EPHA8: variants seen among roughly 807,000 people sequenced by gnomAD.
EPHA8 encodes EPH receptor A8, also known as ephrin type-A receptor 8.
EPHA8 carries 58 observed loss-of-function variants against 103.6 expected under a neutral mutation model. The ratio of observed to expected loss-of-function variants is 0.56; its 90% CI spans 0.45 to 0.70. The LOEUF is 0.70. EPHA8 is among the 30% of genes least tolerant of loss of function. EPHA8 has a pLI of 0.00. For synonymous variants in EPHA8, 559 were observed against 572.5 expected (o/e 0.98, Z 0.34); for missense variants, 1,304 against 1,395.2 (o/e 0.93, Z 1.04).
chr1:22,599,110 A>G, intron 13 of EPHA8, 63 bp downstream of exon 13: 2 of 1,515,780 alleles, frequency 1.3e-6, no homozygotes, highest in Non-Finnish European at 8.9e-7. Flanking sequence ...GGTGGCACCC[A>G]GGGCCCAACC....
intron 13 of EPHA8, among the ~76,000 whole-genome samples, chr1:22,599,628 A>G (rs1284090277): frequency 6.5e-4 from 55 of 85,130 alleles, no homozygotes; most frequent in Non-Finnish European, 1.0e-3. Flanking sequence ...GAAGAAGGGA[A>G]GGAAGGAAGG....
intron 2 of EPHA8, among the ~76,000 whole-genome samples, chr1:22,574,917 G>A (rs1052933190): frequency 6.6e-6 from 1 of 152,120 alleles, no homozygotes; most frequent in African/African-American, 2.4e-5. Context: ...TAATGCACAG[G>A]GTTCTAATTT....
intron 3 of EPHA8, among the ~76,000 whole-genome samples, chr1:22,584,756 G>A (rs1641142031): frequency 6.6e-6 from 1 of 152,108 alleles, no homozygotes; most frequent in Non-Finnish European, 1.5e-5. Context: ...CTGAACCTCT[G>A]GGGTCTCTGC....
At chr1:22,579,098 T>TGA in intron 3 of EPHA8, among the ~76,000 whole-genome samples, 1 of 134,748 alleles carries the variant, frequency 7.4e-6, no homozygotes, top group East Asian at 2.1e-4. Context: ...CATGTGTGCA[T>TGA]GTGTATGTGT....
chr1:22,574,463 C>T (rs2124517349), intron 2 of EPHA8, among the ~76,000 whole-genome samples: 1 of 152,334 alleles, frequency 6.6e-6, no homozygotes, highest in South Asian at 2.1e-4. Context: ...CACCCTTAAA[C>T]AGTAACTGCC....
At chr1:22,579,424 ATG>A (rs1307980826) in intron 3 of EPHA8, among the ~76,000 whole-genome samples, 6 of 150,846 alleles carry the variant, frequency 4.0e-5, no homozygotes, top group South Asian at 2.1e-4. Context: ...GTATGTGTGC[ATG>A]TGTTTGCATG....
At chr1:22,590,770 C>T (rs1257008210) in intron 5 of EPHA8, among the ~76,000 whole-genome samples, 1 of 152,150 alleles carries the variant, frequency 6.6e-6, no homozygotes, top group African/African-American at 2.4e-5. Flanking sequence ...TTTGTGCTAA[C>T]AACCCCCAAC....
intron 13 of EPHA8, among the ~76,000 whole-genome samples, chr1:22,600,183 AGG>A (rs1270590301): frequency 4.2e-5 from 5 of 119,682 alleles, no homozygotes; most frequent in African/African-American, 1.6e-4. Context: ...GAAGGAAAGA[AGG>A]AGGGAAGGAA....
At chr1:22,596,540 C>A (rs1168498603) in intron 9 of EPHA8, among the ~76,000 whole-genome samples, 3 of 152,240 alleles carry the variant, frequency 2.0e-5, no homozygotes, top group African/African-American at 7.2e-5. Context: ...CTCCACACCC[C>A]ACTCCTGTGC....
At chr1:22,580,327 C>T (rs1641013042) in intron 3 of EPHA8, among the ~76,000 whole-genome samples, 1 of 151,814 alleles carries the variant, frequency 6.6e-6, no homozygotes, top group Non-Finnish European at 1.5e-5. Context: ...TTAGTAGAGA[C>T]AAGATTTCAC....
At position 22,597,958 on chromosome 1, in the gene EPHA8, T is replaced by C; in HGVS notation, c.2116+97T>C. On this transcript the variant is annotated intron_variant, in intron 11 of 16. Coordinates refer to ENST00000166244, the MANE Select transcript of EPHA8 (RefSeq NM_020526.5). This position sits in a 1 kb window ranked among gnomAD's most constrained non-coding sequence, Gnocchi z 4.6. ...CTCATCCATCCTGCTCTGCCCCACC[T>C]GACCCTGTCCTCTTGGTTCAGGTCC... 6.6e-7 allele frequency: 1 copy of C among 1,506,094 alleles called. No individual in the cohort carries two copies. Among genetic ancestry groups the C allele is most frequent in the Non-Finnish European group, 9.1e-7 (1 of 1,102,908 alleles). 93.3% of individuals were successfully genotyped at this position (1,506,094 alleles called of 1,614,324 possible). A position where few individuals can be genotyped will look rare whatever the true frequency, so the allele number is the denominator to read the frequency against.
At chr1:22,572,081 G>T (rs1333473118) in intron 2 of EPHA8, among the ~76,000 whole-genome samples, 2 of 152,172 alleles carry the variant, frequency 1.3e-5, no homozygotes, top group Admixed American at 1.3e-4. Flanking sequence ...GCCCAGCTGG[G>T]AGGGGGAACC....
In EPHA8 at chr1:22,576,214, C is replaced by T; in HGVS notation, c.160-3C>T. The T allele has an allele frequency of 6.2e-7, 1 of 1,602,514 alleles. No homozygotes were observed. Among genetic ancestry groups the T allele is most frequent in the Non-Finnish European group, 8.5e-7 (1 of 1,173,274 alleles). On this transcript the variant is annotated splice_region_variant and splice_polypyrimidine_tract_variant and intron_variant, in intron 2 of 16. Coordinates refer to ENST00000166244, the MANE Select transcript of EPHA8 (RefSeq NM_020526.5). The surrounding 1 kb of genome is among the most constrained non-coding windows in gnomAD (Gnocchi z 4.8). ...GTAGTGGCTGTGTTCTCTCTGCCCA[C>T]AGTGGGACTCCATCAACGAGGTGGA...
Position 22,589,236 on chromosome 1 carries a change from C to T in EPHA8, c.1315+30C>T. On this transcript the variant is annotated intron_variant, in intron 5 of 16. Transcript: ENST00000166244. The surrounding 1 kb of genome is among the most constrained non-coding windows in gnomAD (Gnocchi z 4.3). ...GCGGAGAAACTCCGTCCCGCAGCGT[C>T]CTGGTCCCCCAGCTTCCCCTGCCTC... 1.2e-6 allele frequency: 2 copies of T among 1,614,062 alleles called. No individual in the cohort carries two copies. Among genetic ancestry groups the T allele is most frequent in the Non-Finnish European group, 1.7e-6 (2 of 1,180,034 alleles).
intron 2 of EPHA8, among the ~76,000 whole-genome samples, chr1:22,572,995 C>T (rs892870007): frequency 3.9e-5 from 6 of 152,206 alleles, no homozygotes; most frequent in Non-Finnish European, 8.8e-5. Context: ...TTAATTTATC[C>T]GGGTCCCTGG....
intron 2 of EPHA8, among the ~76,000 whole-genome samples, chr1:22,572,514 C>T (rs954172642): frequency 2.6e-5 from 4 of 152,182 alleles, no homozygotes; most frequent in African/African-American, 9.7e-5. Flanking sequence ...CGGGAACTTC[C>T]GCATGCTGGG....
chr1:22,575,646 A>G (rs927166363), intron 2 of EPHA8, among the ~76,000 whole-genome samples: 1 of 152,152 alleles, frequency 6.6e-6, no homozygotes, highest in Non-Finnish European at 1.5e-5. Flanking sequence ...ACATCCTGGG[A>G]TTCCCTTGAG....
At chr1:22,586,786 G>T (rs924763457) in intron 4 of EPHA8, 151 bp downstream of exon 4, 3 of 993,878 alleles carry the variant, frequency 3.0e-6, no homozygotes, top group South Asian at 1.7e-5. Context: ...GAGGTGGGGG[G>T]GGTGACTCTG....
chr1:22,570,065 T>A (rs1360108785), intron 2 of EPHA8, among the ~76,000 whole-genome samples: 1 of 152,168 alleles, frequency 6.6e-6, no homozygotes, highest in African/African-American at 2.4e-5. Flanking sequence ...TGTGATGACC[T>A]CCCAGGTCTG....
Sources: gnomAD v4.1 joint callset for allele counts (sites outside exome capture counted in the v4.1 genomes callset) on GRCh38, gnomAD v4.1.1 for gene constraint, Gnocchi (gnomAD v3.1) non-coding constraint, MANE v1.5 for transcripts, NCBI Gene and HGNC (gene_info 2026-07-23, HGNC 2026-07-21) for gene names.